Variants in KANK1 observed in about 807,000 individuals in gnomAD.
KANK1 encodes the protein KN motif and ankyrin repeat domains 1.
In KANK1, 109 loss-of-function variants were observed where a neutral mutation model predicts 106.2. That is an observed-to-expected ratio of 1.03 (90% confidence interval 0.88 to 1.20). The LOEUF is 1.20. KANK1 is among the 50% of genes most tolerant of loss of function. The pLI, the probability that KANK1 is intolerant of heterozygous loss-of-function variation, is 0.00. For missense variants in KANK1, 2,399 were observed against 1,710.7 expected (o/e 1.40, Z -7.10); for synonymous variants, 873 against 652.2 (o/e 1.34, Z -5.16).
intron 1 of KANK1, among the ~76,000 whole-genome samples, chr9:602,549 C>G (rs1055935904): frequency 6.6e-6 from 1 of 151,398 alleles, no homozygotes; most frequent in Non-Finnish European, 1.5e-5. Flanking sequence ...TGAGCTGTTG[C>G]ACCCGGCCCC....
intron 3 of KANK1, among the ~76,000 whole-genome samples, chr9:491,249 C>T (rs1286604813): frequency 6.6e-6 from 1 of 151,706 alleles, no homozygotes; most frequent in Non-Finnish European, 1.5e-5. Context: ...ATGTAAACCA[C>T]CGTGCCCACT....
chr9:652,884 A>AT (rs535993947), intron 1 of KANK1, among the ~76,000 whole-genome samples: 151 of 152,262 alleles, frequency 9.9e-4, no homozygotes, highest in South Asian at 2.9e-3. Flanking sequence ...TTTGGAAGGG[A>AT]TGGGGAAAAA....
Position 582,425 on chromosome 9 carries a change from C to T in KANK1, c.-84+77671C>T, listed in dbSNP as rs142761660. 4.9e-3 allele frequency among the ~76,000 whole-genome samples: 741 copies of T among 152,258 alleles called. 5 individuals carry two copies. Among genetic ancestry groups the T allele is most frequent in the African/African-American group, 0.017 (702 of 41,556 alleles). On this transcript the variant is annotated intron_variant, in intron 1 of 11. Transcript: ENST00000382297. ...ATAAAAGTATTTCCTTTTCCCTTTT[C>T]TGGCAATGGGTAGTCTAGTTCTGTT...
chr9:521,857 T>C (rs556471427), intron 1 of KANK1, among the ~76,000 whole-genome samples: 18 of 151,778 alleles, frequency 1.2e-4, no homozygotes, highest in African/African-American at 4.4e-4. Context: ...CATGAGCCAC[T>C]GTGCCTGGCT....
Position 712,745 on chromosome 9 carries a change from C to T in KANK1, c.1979C>T (p.Ala660Val), listed in dbSNP as rs770106200. ...ACTGAGGCTGTTAGCCAGGTGGAAG[C>T]TGCCGTCATGGCAGTGCCTCGTACT... Reference protein sequence around the residue: ...VNTEAVSQVEAAVMAVPRTAD... With the variant: ...VNTEAVSQVEVAVMAVPRTAD... The change falls in exon 3 of 12, where the codon GCT becomes GTT. Residue 660 changes from alanine (A) to valine (V), a missense_variant. By Grantham distance (64) the Ala-to-Val change is moderately conservative. Transcript: ENST00000382297. 19 of 1,613,834 alleles carry T rather than the reference C, an allele frequency of 1.2e-5. No individual in the cohort carries two copies. In the Admixed American group the frequency reaches 2.3e-4, roughly 20 times the overall value.
rs899688231 is a variant in KANK1 at position 537,516 on chromosome 9, T to C, written c.-84+32762T>C. ...TGATAAACAAGTAATTTGGGGGGGCTCTTTTTTTCTCTTGAGATTATAAAT... is the reference window on the plus strand; with the variant it reads ...TGATAAACAAGTAATTTGGGGGGGCCCTTTTTTTCTCTTGAGATTATAAAT... On this transcript the variant is annotated intron_variant, in intron 1 of 11. Coordinates refer to ENST00000382297, the MANE Select transcript of KANK1 (RefSeq NM_015158.5). Among the ~76,000 whole-genome samples the C allele has an allele frequency of 2.6e-5, 4 of 152,200 alleles. No individual in the cohort carries two copies. In the South Asian group the frequency reaches 8.3e-4, roughly 32 times the overall value.
At chr9:607,400 G>A (rs553484823) in intron 1 of KANK1, among the ~76,000 whole-genome samples, 5 of 146,666 alleles carry the variant, frequency 3.4e-5, no homozygotes, top group Non-Finnish European at 4.4e-5. Flanking sequence ...CAGGAGAATC[G>A]CTTGAATCCG....
At chr9:480,375 T>C (rs372897077) in intron 3 of KANK1, among the ~76,000 whole-genome samples, 29 of 152,354 alleles carry the variant, frequency 1.9e-4, no homozygotes, top group African/African-American at 7.0e-4. Flanking sequence ...GCAGCCCTTA[T>C]TCTATGTGAA....
At chr9:622,470 A>T (rs1833373590) in intron 1 of KANK1, among the ~76,000 whole-genome samples, 1 of 152,210 alleles carries the variant, frequency 6.6e-6, no homozygotes, top group Non-Finnish European at 1.5e-5. Flanking sequence ...GCATCCTGAC[A>T]AGGGTGCCAA....
At chr9:534,920 A>AT in intron 1 of KANK1, among the ~76,000 whole-genome samples, 1 of 152,288 alleles carries the variant, frequency 6.6e-6, no homozygotes, top group Non-Finnish European at 1.5e-5. Flanking sequence ...ATGGATGGAG[A>AT]TGGGTGGAGG....
chr9:524,168 G>A (rs2059676298), intron 1 of KANK1, among the ~76,000 whole-genome samples: 1 of 151,802 alleles, frequency 6.6e-6, no homozygotes, highest in Non-Finnish European at 1.5e-5. Context: ...TTGGCTACCA[G>A]GATGCCAGGA....
intron 1 of KANK1, among the ~76,000 whole-genome samples, chr9:675,659 A>G (rs1007705104): frequency 1.3e-5 from 2 of 152,158 alleles, no homozygotes; most frequent in South Asian, 2.1e-4. Flanking sequence ...GCCATGCTCT[A>G]TCATTTTGTT....
intron 1 of KANK1, among the ~76,000 whole-genome samples, chr9:607,431 G>A (rs1282198795): frequency 7.2e-6 from 1 of 137,998 alleles, no homozygotes; most frequent in Non-Finnish European, 1.5e-5. Context: ...GTTGCAGTGA[G>A]CCAAGATCGT....
At position 581,702 on chromosome 9, in the gene KANK1, A is replaced by T. The variant is rs542630430; in HGVS notation, c.-84+76948A>T. On this transcript the variant is annotated intron_variant, in intron 1 of 11. Transcript: ENST00000382297. Reference sequence around the variant, plus strand: ...GATTATTCTTGGATTTCTTTCCCATATCACCCTCCCAGAGTTGTGCCAAGG... The same window carrying T: ...GATTATTCTTGGATTTCTTTCCCATTTCACCCTCCCAGAGTTGTGCCAAGG... 2.0e-5 allele frequency among the ~76,000 whole-genome samples: 3 copies of T among 152,292 alleles called. No individual in the cohort carries two copies. In the East Asian group the frequency reaches 5.8e-4, roughly 29 times the overall value.
chr9:683,256 A>G (rs965026856), intron 2 of KANK1, among the ~76,000 whole-genome samples: 4 of 152,192 alleles, frequency 2.6e-5, no homozygotes, highest in Admixed American at 2.6e-4. Flanking sequence ...GAATTTGCAG[A>G]AGGATTAAAA....
chr9:725,490 C>A (rs995312169), intron 3 of KANK1, among the ~76,000 whole-genome samples: 1 of 102,042 alleles, frequency 9.8e-6, no homozygotes, highest in African/African-American at 3.9e-5. Context: ...GAGCAAGACT[C>A]TGTCTCAAAA....
intron 1 of KANK1, among the ~76,000 whole-genome samples, chr9:555,637 C>G (rs752073098): frequency 9.2e-5 from 14 of 152,158 alleles, no homozygotes; most frequent in Non-Finnish European, 1.9e-4. Context: ...GCGTAAGATT[C>G]CCATTTGGCT....
intron 1 of KANK1, among the ~76,000 whole-genome samples, chr9:556,348 C>T (rs2061581282): frequency 6.6e-6 from 1 of 152,114 alleles, no homozygotes; most frequent in East Asian, 1.9e-4. Flanking sequence ...TAGTGATTCC[C>T]AGGGAAGACT....
chr9:726,495 T>G (rs1390896705), intron 3 of KANK1, among the ~76,000 whole-genome samples: 1 of 151,390 alleles, frequency 6.6e-6, no homozygotes, highest in Non-Finnish European at 1.5e-5. Flanking sequence ...AAAAATTAGC[T>G]AGGCATGGTG....
Sources: allele counts gnomAD v4.1 joint callset (sites outside exome capture counted in the v4.1 genomes callset), GRCh38; gene constraint gnomAD v4.1.1; transcripts MANE v1.5; gene names NCBI Gene and HGNC (gene_info 2026-07-23, HGNC 2026-07-21).